Variants in NAALADL2 observed in about 807,000 individuals in gnomAD.
NAALADL2 encodes the protein N-acetylated alpha-linked acidic dipeptidase like 2, also known as inactive N-acetylated-alpha-linked acidic dipeptidase-like protein 2.
Under a neutral mutation model 87.2 loss-of-function variants are expected in NAALADL2, and 76 were observed. The ratio of observed to expected loss-of-function variants is 0.87; its 90% CI spans 0.72 to 1.05. NAALADL2 has a LOEUF of 1.05. Among genes scored for constraint, NAALADL2 ranks in the 50% least tolerant of loss-of-function variants. The probability of loss-of-function intolerance (pLI) is 0.00; values close to 1 mark genes in which losing one functional copy is unlikely to be tolerated. For synonymous variants in NAALADL2, 354 were observed against 331.0 expected, an observed-to-expected ratio of 1.07 and a Z score of -0.75; for missense variants, 1,089 against 945.8, an observed-to-expected ratio of 1.15 and a Z score of -1.99.
At chr3:175,298,760 A>C (rs2110201387) in intron 4 of NAALADL2, among the ~76,000 whole-genome samples, 1 of 152,244 alleles carries the variant, frequency 6.6e-6, no homozygotes, top group African/African-American at 2.4e-5. Context: ...ATCTTGTCTG[A>C]ACTTAACCAA....
At chr3:175,213,015 T>C (rs749308702) in intron 2 of NAALADL2, among the ~76,000 whole-genome samples, 1 of 152,246 alleles carries the variant, frequency 6.6e-6, no homozygotes, top group Non-Finnish European at 1.5e-5. Flanking sequence ...CTGGCTGAAA[T>C]CAGTGCAAGC....
intron 2 of NAALADL2, among the ~76,000 whole-genome samples, chr3:175,160,594 C>T (rs964488810): frequency 1.1e-4 from 17 of 151,698 alleles, no homozygotes; most frequent in Admixed American, 4.6e-4. Flanking sequence ...TCAGGTGATC[C>T]GCCCGCCTCG....
At chr3:175,073,023 T>C (rs1158197062) in intron 1 of NAALADL2, among the ~76,000 whole-genome samples, 1 of 152,044 alleles carries the variant, frequency 6.6e-6, no homozygotes, top group Non-Finnish European at 1.5e-5. Context: ...TCAAGAACTT[T>C]GGTATGTCTT....
chr3:174,621,495 A>G (rs1323015009), intron 2 of NAALADL2, among the ~76,000 whole-genome samples: 1 of 152,172 alleles, frequency 6.6e-6, no homozygotes, highest in South Asian at 2.1e-4. Context: ...GGGATAATAT[A>G]TGTAGGATAA....
At chr3:175,433,370 T>A (rs1560541713) in intron 5 of NAALADL2, among the ~76,000 whole-genome samples, 1 of 152,074 alleles carries the variant, frequency 6.6e-6, no homozygotes, top group African/African-American at 2.4e-5. Context: ...AAGAACATTT[T>A]GAGCAATGTG....
chr3:175,465,682 A>AGGCTGG (rs562078006), intron 7 of NAALADL2, among the ~76,000 whole-genome samples: 68 of 152,166 alleles, frequency 4.5e-4, no homozygotes, highest in African/African-American at 1.6e-3. Flanking sequence ...CATCTTGGCC[A>AGGCTGG]GGCTGGTCTT....
intron 1 of NAALADL2, among the ~76,000 whole-genome samples, chr3:174,931,568 A>G (rs551193313): frequency 2.3e-4 from 35 of 152,322 alleles, no homozygotes; most frequent in African/African-American, 8.4e-4. Flanking sequence ...AATATGAAGA[A>G]TGGTTTATTC....
intron 1 of NAALADL2, among the ~76,000 whole-genome samples, chr3:175,067,361 T>C (rs976094659): frequency 1.3e-5 from 2 of 152,108 alleles, no homozygotes; most frequent in African/African-American, 4.8e-5. Flanking sequence ...CCAGGACTAA[T>C]ATCTAGATTT....
intron 2 of NAALADL2, among the ~76,000 whole-genome samples, chr3:174,571,294 T>G (rs1441882900): frequency 6.6e-6 from 1 of 152,198 alleles, no homozygotes; most frequent in Non-Finnish European, 1.5e-5. Context: ...TTAGTGAGAC[T>G]ATTGTAACCT....
chr3:174,971,736 T>C (rs745943063), intron 1 of NAALADL2, among the ~76,000 whole-genome samples: 22 of 151,406 alleles, frequency 1.5e-4, no homozygotes, highest in Non-Finnish European at 2.2e-4. Flanking sequence ...CTCGCTCTTT[T>C]ACCCAGGCTA....
intron 11 of NAALADL2, among the ~76,000 whole-genome samples, chr3:175,667,718 C>T (rs1733388441): frequency 6.6e-6 from 1 of 150,652 alleles, no homozygotes; most frequent in South Asian, 2.1e-4. Context: ...TGCTCATAAC[C>T]TCAGATATCT....
intron 2 of NAALADL2, among the ~76,000 whole-genome samples, chr3:175,105,496 TG>T (rs2108449700): frequency 6.6e-6 from 1 of 150,664 alleles, no homozygotes; most frequent in South Asian, 2.1e-4. Context: ...TATGTATGTG[TG>T]TGTATATTTA....
At chr3:174,918,284 TA>T (rs1560362269) in intron 1 of NAALADL2, among the ~76,000 whole-genome samples, 2 of 152,002 alleles carry the variant, frequency 1.3e-5, no homozygotes, top group African/African-American at 4.8e-5. Flanking sequence ...GTGCATACTA[TA>T]AAAAAATATA....
chr3:175,459,447 C>A (rs1215102227), intron 6 of NAALADL2, among the ~76,000 whole-genome samples: 1 of 148,816 alleles, frequency 6.7e-6, no homozygotes, highest in Non-Finnish European at 1.5e-5. Flanking sequence ...TACAAAAGTA[C>A]GAGTAAAATA....
intron 2 of NAALADL2, among the ~76,000 whole-genome samples, chr3:174,642,059 C>T (rs1723249166): frequency 6.6e-6 from 1 of 152,116 alleles, no homozygotes; most frequent in South Asian, 2.1e-4. Context: ...GCCGGGCCAA[C>T]TTGGATTTGT....
At position 175,015,994 on chromosome 3, in the gene NAALADL2, C is replaced by T. The variant is rs1419882279; in HGVS notation, c.44-80796C>T. ...TTTCTACTGTTTTGGGGGGAGGAAC[C>T]TTTTCTTTGCATTATAAATCCCTCA... On this transcript the variant is annotated intron_variant, in intron 1 of 13. Coordinates refer to ENST00000454872, the MANE Select transcript of NAALADL2 (RefSeq NM_207015.3). Among the ~76,000 whole-genome samples the T allele has an allele frequency of 5.9e-5, 9 of 151,476 alleles. No homozygotes were observed. In the Admixed American group the frequency reaches 5.9e-4, roughly 10 times the overall value.
At chr3:175,785,605 C>T (rs1425917444) in intron 13 of NAALADL2, among the ~76,000 whole-genome samples, 64 of 138,814 alleles carry the variant, frequency 4.6e-4, no homozygotes, top group Non-Finnish European at 6.7e-4. Flanking sequence ...TGTCTCTGCA[C>T]GTGAGATGGG....
chr3:175,267,626 A>G (rs774762279), intron 4 of NAALADL2, among the ~76,000 whole-genome samples: 1 of 152,108 alleles, frequency 6.6e-6, no homozygotes, highest in Non-Finnish European at 1.5e-5. Flanking sequence ...TGAGAATATA[A>G]TATCTGGGGT....
chr3:174,469,225 A>G, intron 1 of NAALADL2, among the ~76,000 whole-genome samples: 1 of 151,732 alleles, frequency 6.6e-6, no homozygotes, highest in East Asian at 1.9e-4. Flanking sequence ...ATTTATTAGA[A>G]ATGTGGTATG....
Sources: allele counts gnomAD v4.1 joint callset (sites outside exome capture counted in the v4.1 genomes callset), GRCh38; gene constraint gnomAD v4.1.1; transcripts MANE v1.5; gene names NCBI Gene and HGNC (gene_info 2026-07-23, HGNC 2026-07-21).